KCNK1: variants seen among roughly 807,000 people sequenced by gnomAD.
KCNK1 encodes the protein potassium channel subfamily K member 1.
Under a neutral mutation model 22.2 loss-of-function variants are expected in KCNK1, and 10 were observed. That is an observed-to-expected ratio of 0.45 (90% CI 0.28 to 0.76). The LOEUF is 0.76. KCNK1 is among the 30% of genes least tolerant of loss of function. The pLI is 0.14. For synonymous variants in KCNK1, 200 were observed against 186.4 expected, an observed-to-expected ratio of 1.07 and a Z score of -0.60; for missense variants, 378 against 421.0, an observed-to-expected ratio of 0.90 and a Z score of 0.89.
Position 233,614,132 on chromosome 1 carries a change from C to T in KCNK1, c.-40C>T, listed in dbSNP as rs1463905077. ...GAAGAGGCGGCGGGCCGCGCTCCGG[C>T]CGGTCTGCGGCGTTGGCCTTGGCGG... is the stretch of plus-strand genomic sequence containing the variant. On this transcript the variant is annotated 5_prime_UTR_variant, in exon 1 of 3. Coordinates refer to ENST00000366621, the MANE Select transcript of KCNK1 (RefSeq NM_002245.4). 3 of 1,227,392 alleles carry T rather than the reference C, an allele frequency of 2.4e-6. No individual in the cohort carries two copies. In the East Asian group the frequency reaches 9.7e-5, roughly 40 times the overall value. The allele number at this position is 1,227,392 out of a possible 1,614,324, so 76.0% of individuals were successfully genotyped here.
At position 233,671,758 on chromosome 1, in the gene KCNK1, A is replaced by C. The variant is rs1486131439; in HGVS notation, c.*228A>C. On this transcript the variant is annotated 3_prime_UTR_variant, in exon 3 of 3. Coordinates refer to ENST00000366621, the MANE Select transcript of KCNK1 (RefSeq NM_002245.4). Reference sequence around the variant, plus strand: ...TGAGGAAATGAGATGTCCACCTAAAATTCATATGTGACAAAATTATCTCGA... The same window carrying C: ...TGAGGAAATGAGATGTCCACCTAAACTTCATATGTGACAAAATTATCTCGA... 1 of 560,830 alleles carries C rather than the reference A, an allele frequency of 1.8e-6. No homozygotes were observed. Among genetic ancestry groups the C allele is most frequent in the Non-Finnish European group, 3.1e-6 (1 of 319,102 alleles). The allele number at this position is 560,830 out of a possible 1,614,324, so 34.7% of individuals were successfully genotyped here.
intron 1 of KCNK1, among the ~76,000 whole-genome samples, chr1:233,645,731 C>T (rs769838556): frequency 3.3e-5 from 5 of 151,842 alleles, no homozygotes; most frequent in African/African-American, 1.2e-4. Context: ...ATAGGCTTGG[C>T]GTACATTAGG....
intron 1 of KCNK1, among the ~76,000 whole-genome samples, chr1:233,631,744 T>C (rs1231600848): frequency 6.6e-6 from 1 of 152,238 alleles, no homozygotes; most frequent in Non-Finnish European, 1.5e-5. Context: ...TAAAGAAATG[T>C]GCTCACTGTT....
rs77387384 is a variant in KCNK1, at chr1:233,648,267, C to G, written c.356-18328C>G. The stretch of plus-strand genomic sequence containing the variant: ...GTTGTCCAAATGAAAAACTGTGTTC[C>G]TATGTCCATATTTCCAAGCCGCAAC... On this transcript the variant is annotated intron_variant, in intron 1 of 2. Coordinates refer to ENST00000366621, the MANE Select transcript of KCNK1 (RefSeq NM_002245.4). Among the ~76,000 whole-genome samples, 16 of 152,280 alleles carry G rather than the reference C, an allele frequency of 1.1e-4. No individual in the cohort carries two copies. The East Asian group carries it at 3.1e-3, about 29-fold the overall frequency.
chr1:233,665,043 A>C (rs1455276415), intron 1 of KCNK1, among the ~76,000 whole-genome samples: 1 of 152,228 alleles, frequency 6.6e-6, no homozygotes, highest in Non-Finnish European at 1.5e-5. Flanking sequence ...GGTTGGATGA[A>C]GAGTCCCCTG....
chr1:233,632,133 G>A (rs1441949823), intron 1 of KCNK1, among the ~76,000 whole-genome samples: 1 of 152,208 alleles, frequency 6.6e-6, no homozygotes, highest in East Asian at 1.9e-4. Flanking sequence ...ACATTTGGCT[G>A]AAAAGCTTCT....
rs201820712 is a variant in KCNK1, at chr1:233,633,265, TAAAC to T, written c.355+18755_355+18758del. Among the ~76,000 whole-genome samples the T allele has an allele frequency of 4.5e-3, 686 of 150,940 alleles. 5 individuals carry two copies. Among genetic ancestry groups the T allele is most frequent in the South Asian group, 0.024 (113 of 4,714 alleles). ...ACAGGTATGAAATTGTCAAAGTATG[TAAAC>T]AAACAAACAAACAAAAAAAACCACA... is the stretch of plus-strand genomic sequence containing the variant. On this transcript the variant is annotated intron_variant, in intron 1 of 2. Coordinates refer to ENST00000366621, the MANE Select transcript of KCNK1 (RefSeq NM_002245.4).
At chr1:233,653,379 C>A (rs777309669) in intron 1 of KCNK1, among the ~76,000 whole-genome samples, 8 of 152,180 alleles carry the variant, frequency 5.3e-5, no homozygotes, top group Non-Finnish European at 8.8e-5. Flanking sequence ...ATAAAACTTA[C>A]ATTTTGAAAC....
rs1283995449 is a variant in KCNK1 at position 233,671,644 on chromosome 1, TAGCTACTGTTTGC to T, written c.*116_*128del. ...GCGAAAATTATGTCACTTTAAGAAA[TAGCTACTGTTTGC>T]AATGTCTTATTAAAAAACAACAAAA... On this transcript the variant is annotated 3_prime_UTR_variant, in exon 3 of 3. Transcript: ENST00000366621. 1.6e-4 allele frequency: 196 copies of T among 1,218,332 alleles called. 1 individual carries two copies. In the African/African-American group the frequency reaches 2.7e-3, roughly 17 times the overall value. The allele number at this position is 1,218,332 out of a possible 1,614,324, so 75.5% of individuals were successfully genotyped here. A position where few individuals can be genotyped will look rare whatever the true frequency, so the allele number is the denominator to read the frequency against.
At chr1:233,626,035 C>T (rs1657682802) in intron 1 of KCNK1, among the ~76,000 whole-genome samples, 2 of 151,978 alleles carry the variant, frequency 1.3e-5, no homozygotes, top group South Asian at 4.2e-4. Flanking sequence ...ACTGACTGTT[C>T]CAACGCGTTC....
intron 1 of KCNK1, among the ~76,000 whole-genome samples, chr1:233,649,163 A>G (rs1459872878): frequency 1.3e-5 from 2 of 152,246 alleles, no homozygotes; most frequent in East Asian, 3.8e-4. Flanking sequence ...TTATCAATTA[A>G]TCTGCACCCT....
At chr1:233,619,722 C>T (rs1209699901) in intron 1 of KCNK1, among the ~76,000 whole-genome samples, 4 of 151,970 alleles carry the variant, frequency 2.6e-5, no homozygotes, top group Non-Finnish European at 5.9e-5. Context: ...CCAGCCTGGC[C>T]AACACGGTGA....
chr1:233,651,466 T>A (rs766326922), intron 1 of KCNK1, among the ~76,000 whole-genome samples: 2 of 152,202 alleles, frequency 1.3e-5, no homozygotes, highest in Non-Finnish European at 2.9e-5. Flanking sequence ...ATATTGAGGC[T>A]TTAGGAAAAA....
chr1:233,660,443 TTA>T (rs1658370771), intron 1 of KCNK1: 2 of 152,244 alleles, frequency 1.3e-5, no homozygotes, highest in Admixed American at 6.5e-5. Flanking sequence ...CACTAATTTG[TTA>T]TGTTTCATGT....
intron 1 of KCNK1, chr1:233,661,890 C>T (rs1486177807): frequency 6.6e-6 from 1 of 152,186 alleles, no homozygotes; most frequent in Non-Finnish European, 1.5e-5. Flanking sequence ...AAAAAGTCAA[C>T]CTGACCTGAA....
At chr1:233,636,003 TTC>T (rs1350397744) in intron 1 of KCNK1, among the ~76,000 whole-genome samples, 3 of 152,182 alleles carry the variant, frequency 2.0e-5, no homozygotes, top group Non-Finnish European at 2.9e-5. Flanking sequence ...GGAAAGACCA[TTC>T]AGGCCATGCG....
chr1:233,647,489 T>C (rs1228116837), intron 1 of KCNK1, among the ~76,000 whole-genome samples: 1 of 152,162 alleles, frequency 6.6e-6, no homozygotes. Context: ...ACAGGAGCCA[T>C]GGCTGTGGAT....
intron 1 of KCNK1, among the ~76,000 whole-genome samples, chr1:233,622,948 G>A (rs1657617183): frequency 6.6e-6 from 1 of 152,064 alleles, no homozygotes. Context: ...AAGCCTGCCC[G>A]CTGCTGCCTC....
At chr1:233,666,464 G>A (rs1369985901) in intron 1 of KCNK1, 131 bp from the exon 2 acceptor site, 7 of 776,166 alleles carry the variant, frequency 9.0e-6, no homozygotes, top group Non-Finnish European at 1.4e-5. Context: ...CCCTAAAGTG[G>A]CAGACCTGAA....
Sources: allele counts gnomAD v4.1 joint callset (sites outside exome capture counted in the v4.1 genomes callset), GRCh38; gene constraint gnomAD v4.1.1; transcripts MANE v1.5; gene names NCBI Gene and HGNC (gene_info 2026-07-23, HGNC 2026-07-21).